AFF1: variants seen among roughly 807,000 people sequenced by gnomAD.
AFF1 encodes the protein AF4/FMR2 family member 1.
A neutral mutation model predicts 121.7 loss-of-function variants in AFF1; 48 were observed. The observed-to-expected ratio is 0.39, with a 90% CI of 0.31 to 0.50. AFF1 has a LOEUF of 0.50. Among genes scored for constraint, AFF1 ranks in the 20% least tolerant of loss-of-function variants. AFF1 has a pLI of 0.76. For synonymous variants in AFF1, 613 were observed against 563.0 expected (o/e 1.09, Z -1.26); for missense variants, 1,523 against 1,511.7 (o/e 1.01, Z -0.12).
intron 2 of AFF1, among the ~76,000 whole-genome samples, chr4:87,040,732 G>C (rs978257610): frequency 6.6e-6 from 1 of 151,594 alleles, no homozygotes; most frequent in Non-Finnish European, 1.5e-5. Flanking sequence ...ACCACACCCA[G>C]CTAATTTTTT....
At chr4:87,036,409 T>C (rs75300661) in intron 2 of AFF1, among the ~76,000 whole-genome samples, 55 of 152,338 alleles carry the variant, frequency 3.6e-4, no homozygotes, top group African/African-American at 1.3e-3. Context: ...TGATTTTTTT[T>C]CACTGGTGTG....
intron 2 of AFF1, among the ~76,000 whole-genome samples, chr4:86,996,097 A>T (rs1725162187): frequency 6.7e-6 from 1 of 148,352 alleles, no homozygotes; most frequent in Admixed American, 6.7e-5. Context: ...TCTGGGAGGG[A>T]GGTGGGGGGG....
chr4:86,943,990 T>A (rs551217073), intron 1 of AFF1, among the ~76,000 whole-genome samples: 2 of 149,842 alleles, frequency 1.3e-5, no homozygotes, highest in Non-Finnish European at 3.0e-5. Flanking sequence ...TAACATAAAA[T>A]GAAATAAGCC....
intron 1 of AFF1, among the ~76,000 whole-genome samples, chr4:86,938,242 C>T (rs1421027200): frequency 6.6e-6 from 1 of 152,044 alleles, no homozygotes; most frequent in African/African-American, 2.4e-5. Context: ...TTGAGGTCAG[C>T]GGTTCTGGAC....
chr4:87,026,334 G>A (rs747891595), intron 2 of AFF1, among the ~76,000 whole-genome samples: 30 of 152,192 alleles, frequency 2.0e-4, no homozygotes, highest in Non-Finnish European at 4.0e-4. Flanking sequence ...TTGACTTCAA[G>A]CGATCCTCCT....
intron 2 of AFF1, among the ~76,000 whole-genome samples, chr4:86,991,564 T>G (rs1231686812): frequency 2.0e-5 from 3 of 152,204 alleles, no homozygotes; most frequent in Non-Finnish European, 4.4e-5. Flanking sequence ...TTAAAATCGC[T>G]TTATAGTCAC....
chr4:87,132,458 A>G (rs747028262), intron 19 of AFF1, 50 bp downstream of exon 19: 2 of 1,542,116 alleles, frequency 1.3e-6, no homozygotes, highest in African/African-American at 1.4e-5. Flanking sequence ...TCATTTCTTT[A>G]TTTACTTCTT....
intron 2 of AFF1, among the ~76,000 whole-genome samples, chr4:87,019,839 C>T (rs1271537649): frequency 7.9e-6 from 1 of 127,322 alleles, no homozygotes; most frequent in African/African-American, 3.0e-5. Context: ...ACCAGTCTAT[C>T]AGAAGTTCTG....
chr4:87,115,117 ACTC>A lies in AFF1; in HGVS notation c.2289_2291del (p.Pro765del), dbSNP rs1311737326. On this transcript the variant is annotated inframe_deletion, in exon 12 of 21. Coordinates refer to ENST00000395146, the MANE Select transcript of AFF1 (RefSeq NM_001166693.3). Reference sequence around the variant, plus strand: ...CAAGCTGCTCTCACCGCTCAGGGACACTCCTCCCCCACAAAGCTTGATGGTGAA... The same window carrying A: ...CAAGCTGCTCTCACCGCTCAGGGACACTCCCCCACAAAGCTTGATGGTGAA... 7 of 1,612,826 alleles carry A rather than the reference ACTC, an allele frequency of 4.3e-6. No individual in the cohort carries two copies. In the Admixed American group the frequency reaches 5.0e-5, roughly 12 times the overall value.
intron 2 of AFF1, chr4:86,950,260 C>T: frequency 1.3e-6 from 1 of 767,612 alleles, no homozygotes; most frequent in South Asian, 1.5e-5. Flanking sequence ...CTCACTGCAA[C>T]CTCTGCCTCC....
intron 1 of AFF1, chr4:86,935,897 T>C (rs1029284360): frequency 6.6e-6 from 1 of 152,282 alleles, no homozygotes; most frequent in Admixed American, 6.5e-5. Context: ...CCATCCTCTG[T>C]GGCCGTCGCA....
intron 2 of AFF1, among the ~76,000 whole-genome samples, chr4:87,008,252 G>A (rs941022642): frequency 2.6e-5 from 4 of 152,174 alleles, no homozygotes; most frequent in East Asian, 1.9e-4. Context: ...ATTTAAAGTA[G>A]TAGGGTTCTT....
intron 4 of AFF1, among the ~76,000 whole-genome samples, chr4:87,073,671 T>A (rs1008325985): frequency 6.6e-6 from 1 of 152,248 alleles, no homozygotes; most frequent in Non-Finnish European, 1.5e-5. Context: ...TGACTGCAGT[T>A]TCTTTCGGCC....
intron 2 of AFF1, among the ~76,000 whole-genome samples, chr4:87,019,978 C>T (rs1421859903): frequency 6.7e-6 from 1 of 148,402 alleles, no homozygotes; most frequent in Admixed American, 6.8e-5. Context: ...TCTCCTCCTC[C>T]CACGTTTGAT....
At chr4:87,057,000 C>T (rs1456684906) in intron 4 of AFF1, among the ~76,000 whole-genome samples, 1 of 152,204 alleles carries the variant, frequency 6.6e-6, no homozygotes, top group Non-Finnish European at 1.5e-5. Context: ...GATCTGAAAT[C>T]CAGACTCAAG....
At chr4:87,120,349 A>G (rs1174842056) in intron 12 of AFF1, among the ~76,000 whole-genome samples, 1 of 152,164 alleles carries the variant, frequency 6.6e-6, no homozygotes, top group Non-Finnish European at 1.5e-5. Flanking sequence ...TCTGTGTTGC[A>G]TGTGCTACCA....
At position 86,982,598 on chromosome 4, in the gene AFF1, A is replaced by C. The variant is rs145407048; in HGVS notation, c.38+34027A>C. 2.6e-3 allele frequency among the ~76,000 whole-genome samples: 389 copies of C among 151,422 alleles called. 5 individuals are homozygous for C. The highest frequency in any genetic ancestry group is 8.2e-3 in the African/African-American group (340 of 41,356). On this transcript the variant is annotated intron_variant, in intron 2 of 20. Coordinates refer to ENST00000395146, the MANE Select transcript of AFF1 (RefSeq NM_001166693.3). ...TTGGGCTGGGCGTGGTGGCTCATGC[A>C]CTTTGGAAGGCTAAGGCAGACAGAT...
chr4:86,963,444 G>A (rs1483163665), intron 2 of AFF1, among the ~76,000 whole-genome samples: 1 of 152,064 alleles, frequency 6.6e-6, no homozygotes, highest in Admixed American at 6.6e-5. Context: ...GAAGGAACTG[G>A]GATGGAGGTA....
intron 2 of AFF1, among the ~76,000 whole-genome samples, chr4:86,985,181 C>CTATATAGATATATATATATATA (rs1724123242): frequency 1.0e-5 from 1 of 96,518 alleles, no homozygotes; most frequent in Non-Finnish European, 1.9e-5. Context: ...ATATGTATTA[C>CTATATAGATATATATATATATA]TATATATATA....
Sources: allele counts gnomAD v4.1 joint callset (sites outside exome capture counted in the v4.1 genomes callset), GRCh38; gene constraint gnomAD v4.1.1; transcripts MANE v1.5; gene names NCBI Gene and HGNC (gene_info 2026-07-23, HGNC 2026-07-21).